Variants in COL25A1 observed in about 807,000 individuals in gnomAD.
The protein encoded by COL25A1 is collagen type XXV alpha 1 chain.
COL25A1 carries 103 observed loss-of-function variants against 128.4 expected under a neutral mutation model. The observed-to-expected ratio is 0.80, with a 90% confidence interval of 0.68 to 0.94. COL25A1 has a LOEUF of 0.94. Ranked by LOEUF, COL25A1 falls within the 40% of genes least tolerant of loss-of-function variation. COL25A1 has a pLI of 0.00. For missense variants in COL25A1, 745 were observed against 840.0 expected (o/e 0.89, Z 1.40); for synonymous variants, 279 against 277.2 (o/e 1.01, Z -0.06).
chr4:109,118,456 T>C (rs1046511212), intron 3 of COL25A1, among the ~76,000 whole-genome samples: 13 of 151,954 alleles, frequency 8.6e-5, no homozygotes, highest in African/African-American at 2.9e-4. Flanking sequence ...CTACATCACG[T>C]TGTACTTCAT....
chr4:109,285,481 TC>T (rs1474499762), intron 3 of COL25A1, among the ~76,000 whole-genome samples: 1 of 152,160 alleles, frequency 6.6e-6, no homozygotes, highest in Non-Finnish European at 1.5e-5. Context: ...TCAAACACAC[TC>T]TCTCCAACAC....
chr4:109,232,656 C>T (rs1211381277), intron 3 of COL25A1, among the ~76,000 whole-genome samples: 1 of 152,154 alleles, frequency 6.6e-6, no homozygotes, highest in Admixed American at 6.6e-5. Flanking sequence ...ATTTTTCTTT[C>T]TGAGATATAT....
At chr4:108,831,688 GAGAGA>G (rs1177305093) in intron 32 of COL25A1, among the ~76,000 whole-genome samples, 26 of 4,522 alleles carry the variant, frequency 5.7e-3, no homozygotes, top group African/African-American at 0.037. Flanking sequence ...GAGAGAGGGG[GAGAGA>G]GAGAGAGAGA....
At position 109,190,288 on chromosome 4, in the gene COL25A1, T is replaced by C. The variant is rs190787369; in HGVS notation, c.367+110295A>G. On this transcript the variant is annotated intron_variant, in intron 3 of 37. Coordinates refer to ENST00000399132, the MANE Select transcript of COL25A1 (RefSeq NM_198721.4). Reference sequence around the variant, plus strand: ...AAAAATCATGGATATACAAATGAGATGGGCTCATCACATTTTAAGCAAAAT... The same window carrying C: ...AAAAATCATGGATATACAAATGAGACGGGCTCATCACATTTTAAGCAAAAT... Among the ~76,000 whole-genome samples the C allele has an allele frequency of 2.8e-3, 422 of 152,258 alleles. 3 individuals carry two copies. The highest frequency in any genetic ancestry group is 0.017 in the Middle Eastern group (5 of 294).
chr4:108,948,569 T>A (rs1198587205), intron 8 of COL25A1, among the ~76,000 whole-genome samples: 1 of 152,154 alleles, frequency 6.6e-6, no homozygotes, highest in South Asian at 2.1e-4. Flanking sequence ...AAATGATAAG[T>A]GTAAATTTTA....
chr4:109,133,581 T>C (rs1199459555), intron 3 of COL25A1, among the ~76,000 whole-genome samples: 3 of 152,190 alleles, frequency 2.0e-5, no homozygotes, highest in African/African-American at 7.2e-5. Context: ...AATATTCTTG[T>C]AAATATCAAT....
intron 5 of COL25A1, among the ~76,000 whole-genome samples, chr4:109,039,319 A>C (rs1173173997): frequency 6.6e-6 from 1 of 152,136 alleles, no homozygotes; most frequent in Non-Finnish European, 1.5e-5. Flanking sequence ...AGTACTCCAT[A>C]GCCTCATCCT....
chr4:109,156,748 C>T (rs1342281531), intron 3 of COL25A1, among the ~76,000 whole-genome samples: 1 of 152,180 alleles, frequency 6.6e-6, no homozygotes, highest in African/African-American at 2.4e-5. Flanking sequence ...GCACTCTATT[C>T]CATCCAGTTT....
At chr4:108,889,949 A>G (rs1741292984) in intron 16 of COL25A1, among the ~76,000 whole-genome samples, 2 of 152,196 alleles carry the variant, frequency 1.3e-5, no homozygotes, top group African/African-American at 4.8e-5. Flanking sequence ...GATGTCAACA[A>G]TTTCCAAGAT....
At chr4:109,010,231 G>T (rs944424071) in intron 6 of COL25A1, 127 bp downstream of exon 6, 5 of 734,852 alleles carry the variant, frequency 6.8e-6, no homozygotes, top group Non-Finnish European at 1.1e-5. Flanking sequence ...GAAATATTTG[G>T]TCTACTGTGT....
chr4:109,223,683 T>A (rs1487529461), intron 3 of COL25A1, among the ~76,000 whole-genome samples: 1 of 152,062 alleles, frequency 6.6e-6, no homozygotes, highest in Non-Finnish European at 1.5e-5. Flanking sequence ...CAGAACTCCT[T>A]GGAGTACAGG....
At chr4:109,288,962 T>TATATATACAC (rs1021982305) in intron 3 of COL25A1, among the ~76,000 whole-genome samples, 54 of 133,606 alleles carry the variant, frequency 4.0e-4, no homozygotes, top group African/African-American at 1.4e-3. Context: ...AAATTATATA[T>TATATATACAC]ACACACACAC....
chr4:109,044,283 CAT>C (rs1760210515), intron 5 of COL25A1, among the ~76,000 whole-genome samples: 1 of 152,090 alleles, frequency 6.6e-6, no homozygotes, highest in African/African-American at 2.4e-5. Flanking sequence ...AAAAGAAACA[CAT>C]AGTTATATAT....
At chr4:108,974,664 G>T in intron 6 of COL25A1, 105 bp from the exon 7 acceptor site, 3 of 916,200 alleles carry the variant, frequency 3.3e-6, no homozygotes, top group Non-Finnish European at 4.8e-6. Flanking sequence ...TACAGAGATA[G>T]CTGTCAATGA....
At chr4:109,142,916 T>A (rs1010281296) in intron 3 of COL25A1, among the ~76,000 whole-genome samples, 1 of 152,222 alleles carries the variant, frequency 6.6e-6, no homozygotes, top group Non-Finnish European at 1.5e-5. Context: ...ACATTTAAAG[T>A]TAATATTGTT....
chr4:108,824,950 T>A (rs1732193086), intron 34 of COL25A1, among the ~76,000 whole-genome samples: 1 of 152,172 alleles, frequency 6.6e-6, no homozygotes, highest in Non-Finnish European at 1.5e-5. Context: ...TTTGGGAAAG[T>A]ATTTTGAAGT....
At chr4:108,971,309 T>G (rs765532081) in intron 8 of COL25A1, among the ~76,000 whole-genome samples, 1 of 152,100 alleles carries the variant, frequency 6.6e-6, no homozygotes, top group Non-Finnish European at 1.5e-5. Flanking sequence ...CTATTCTATG[T>G]GAAGGGGTAT....
chr4:109,017,132 C>A (rs142733147), intron 5 of COL25A1, among the ~76,000 whole-genome samples: 3 of 152,194 alleles, frequency 2.0e-5, no homozygotes, highest in African/African-American at 7.2e-5. Flanking sequence ...CATGGGTGCC[C>A]ACAGCAGAAG....
chr4:108,994,877 G>A (rs891479851), intron 6 of COL25A1, among the ~76,000 whole-genome samples: 20 of 152,250 alleles, frequency 1.3e-4, no homozygotes, highest in African/African-American at 4.3e-4. Context: ...CAGCTGAGGG[G>A]CCTGTTAGAA....
Sources: gnomAD v4.1 joint callset for allele counts (sites outside exome capture counted in the v4.1 genomes callset) on GRCh38, gnomAD v4.1.1 for gene constraint, MANE v1.5 for transcripts, NCBI Gene and HGNC (gene_info 2026-07-23, HGNC 2026-07-21) for gene names.